Variants in ERMP1 observed in about 807,000 individuals in gnomAD.
The protein encoded by ERMP1 is Felix-ina.
A neutral mutation model predicts 92.0 loss-of-function variants in ERMP1; 86 were observed. The ratio of observed to expected loss-of-function variants is 0.93; its 90% CI spans 0.79 to 1.12. The LOEUF is 1.12. Ranked by LOEUF, ERMP1 falls within the 50% of genes most tolerant of loss-of-function variation. The probability of loss-of-function intolerance (pLI) is 0.00; values close to 1 mark genes in which losing one functional copy is unlikely to be tolerated. For missense variants in ERMP1, 1,342 were observed against 1,116.3 expected (o/e 1.20, Z -2.88); for synonymous variants, 530 against 412.8 (o/e 1.28, Z -3.44).
chr9:5,830,748 C>A lies in ERMP1; in HGVS notation c.619G>T (p.Asp207Tyr). Reference sequence around the variant, plus strand: ...ATACCTGGTGAGTTTGCTACTGAGTCAAAATGACAATTAGCCAAGACAGCA... The same window carrying A: ...ATACCTGGTGAGTTTGCTACTGAGTAAAAATGACAATTAGCCAAGACAGCA... ...QHAVLANCHF[D>Y]SVANSPGASD... The change falls in exon 2 of 15, where the codon GAC becomes TAC. Residue 207 changes from aspartate to tyrosine, a missense_variant. By Grantham distance (160) the Asp-to-Tyr change is radical. Coordinates refer to ENST00000339450, the MANE Select transcript of ERMP1 (RefSeq NM_024896.3). 6.2e-7 allele frequency: 1 copy of A among 1,612,614 alleles called. No homozygotes were observed. Among genetic ancestry groups the A allele is most frequent in the South Asian group, 1.1e-5 (1 of 90,926 alleles).
At chr9:5,822,051 T>C (rs1400654003) in intron 4 of ERMP1, among the ~76,000 whole-genome samples, 3 of 152,024 alleles carry the variant, frequency 2.0e-5, no homozygotes, top group African/African-American at 4.8e-5. Flanking sequence ...CTCAGGAGTT[T>C]GAGACCAGCC....
chr9:5,790,557 A>G (rs1278324059), intron 13 of ERMP1, among the ~76,000 whole-genome samples: 1 of 152,260 alleles, frequency 6.6e-6, no homozygotes, highest in African/African-American at 2.4e-5. Context: ...ACAGAGAGAT[A>G]CAGAAAGGGT....
At chr9:5,812,858 G>A in intron 5 of ERMP1, 31 bp downstream of exon 5, 1 of 1,612,964 alleles carries the variant, frequency 6.2e-7, no homozygotes, top group South Asian at 1.1e-5. Flanking sequence ...AATAAATGCT[G>A]CACAGTAGGC....
intron 4 of ERMP1, among the ~76,000 whole-genome samples, chr9:5,814,799 G>A (rs114459797): frequency 3.0e-4 from 45 of 152,178 alleles, no homozygotes; most frequent in African/African-American, 9.6e-4. Flanking sequence ...AGACATACAA[G>A]TAATCCAGAT....
chr9:5,832,868 G>A lies in ERMP1; in HGVS notation c.160C>T (p.Pro54Ser). 1 of 1,523,984 alleles carries A rather than the reference G, an allele frequency of 6.6e-7. No individual in the cohort carries two copies. The highest frequency in any genetic ancestry group is 1.9e-5 in the Admixed American group (1 of 51,426). 94.4% of individuals were successfully genotyped at this position (1,523,984 alleles called of 1,614,324 possible). The change falls in exon 1 of 15, where the codon CCC becomes TCC. Residue 54 changes from proline to serine, a missense_variant. Pro to Ser is a moderately conservative substitution (Grantham distance 74, BLOSUM62 -1). Coordinates refer to ENST00000339450, the MANE Select transcript of ERMP1 (RefSeq NM_024896.3). ...CTGCTCGCGCCGCCGCTACCCCCGG[G>A]GCTCCTCTTCCGCGTCCTCCCGCCG... ...SGGGRTRKRSPGGSGGASRGA... is the reference protein window; with the variant it reads ...SGGGRTRKRSSGGSGGASRGA...
chr9:5,862,625 G>A (rs969167211), intron 5 of ERMP1, among the ~76,000 whole-genome samples: 1 of 152,150 alleles, frequency 6.6e-6, no homozygotes, highest in African/African-American at 2.4e-5. Flanking sequence ...GGGATTACAG[G>A]CATGAGCCAC....
At chr9:5,816,421 A>C (rs897924254) in intron 4 of ERMP1, among the ~76,000 whole-genome samples, 1 of 152,232 alleles carries the variant, frequency 6.6e-6, no homozygotes, top group African/African-American at 2.4e-5. Flanking sequence ...AGTGAATTAC[A>C]CAGATTGATT....
In ERMP1 at chr9:5,832,874, T is replaced by A. The variant is rs1032779217; in HGVS notation, c.154A>T (p.Arg52Trp). ...GCGCCGCCGCTACCCCCGGGGCTCC[T>A]CTTCCGCGTCCTCCCGCCGCCGCTG... ...GCSGGGRTRKRSPGGSGGASR... is the reference protein window; with the variant it reads ...GCSGGGRTRKWSPGGSGGASR... The change falls in exon 1 of 15, where the codon AGG becomes TGG. Residue 52 changes from arginine (R) to tryptophan (W), a missense_variant. By Grantham distance (101) the Arg-to-Trp change is moderately radical. Coordinates refer to ENST00000339450, the MANE Select transcript of ERMP1 (RefSeq NM_024896.3). The A allele has an allele frequency of 7.2e-6, 11 of 1,529,646 alleles. No individual in the cohort carries two copies. The highest frequency in any genetic ancestry group is 9.6e-6 in the Non-Finnish European group (11 of 1,148,064). 94.8% of individuals were successfully genotyped at this position (1,529,646 alleles called of 1,614,324 possible).
Position 5,786,281 on chromosome 9 carries a change from C to T in ERMP1, c.*863G>A, listed in dbSNP as rs1284141025. On this transcript the variant is annotated 3_prime_UTR_variant, in exon 15 of 15. Coordinates refer to ENST00000339450, the MANE Select transcript of ERMP1 (RefSeq NM_024896.3). ...CCACCACTCCCAGCCTTCCTTCTAC[C>T]CCAGAATAGCCCAGATGGCAGCTCA... 2.0e-5 allele frequency: 3 copies of T among 152,100 alleles called. No homozygotes were observed. The allele number at this position is 152,100 out of a possible 1,614,324, so 9.4% of individuals were successfully genotyped here. A position where few individuals can be genotyped will look rare whatever the true frequency, so the allele number is the denominator to read the frequency against.
chr9:5,859,493 C>G (rs1208057417), exon 6 of ERMP1, among the ~76,000 whole-genome samples: 1 of 152,184 alleles, frequency 6.6e-6, no homozygotes, highest in Admixed American at 6.5e-5. Flanking sequence ...GAAAGACTCT[C>G]CAGAGTTCCA....
chr9:5,866,350 A>C (rs1830661091), intron 5 of ERMP1, among the ~76,000 whole-genome samples: 2 of 152,360 alleles, frequency 1.3e-5, no homozygotes, highest in South Asian at 4.1e-4. Flanking sequence ...AAACCATAGG[A>C]TCCAACAATA....
intron 4 of ERMP1, among the ~76,000 whole-genome samples, chr9:5,814,508 C>T (rs550085889): frequency 6.6e-6 from 1 of 152,180 alleles, no homozygotes; most frequent in Admixed American, 6.5e-5. Context: ...TTTAGGAGGC[C>T]GAGGTGGGCA....
chr9:5,856,041 ATAC>A (rs1830369442), intron 6 of ERMP1: 2 of 377,726 alleles, frequency 5.3e-6, no homozygotes, highest in Admixed American at 6.4e-5. Context: ...CCCAGGTTAT[ATAC>A]CCTGCTGCAA....
At chr9:5,842,001 T>C (rs917872346) in intron 6 of ERMP1, among the ~76,000 whole-genome samples, 1 of 151,888 alleles carries the variant, frequency 6.6e-6, no homozygotes, top group Admixed American at 6.5e-5. Flanking sequence ...ATGGTCTTGC[T>C]GACTTCAGGA....
Position 5,787,574 on chromosome 9 carries a change from G to C in ERMP1, c.2406C>G (p.Phe802Leu), listed in dbSNP as rs762053505. 4 of 1,613,452 alleles carry C rather than the reference G, an allele frequency of 2.5e-6. No individual in the cohort carries two copies. Among genetic ancestry groups the C allele is most frequent in the Non-Finnish European group, 2.5e-6 (3 of 1,179,766 alleles). Reference protein sequence around the residue: ...FEATGPSHMSFYVRAHKGSTL... With the variant: ...FEATGPSHMSLYVRAHKGSTL... ...TTGACCCTTTGTGGGCTCGAACATA[G>C]AAGGACATATGGCTTGGTCCTGTAA... The change falls in exon 14 of 15, where the codon TTC becomes TTG. Residue 802 changes from phenylalanine (F) to leucine (L), a missense_variant. Coordinates refer to ENST00000339450, the MANE Select transcript of ERMP1 (RefSeq NM_024896.3).
At chr9:5,805,494 T>C in intron 9 of ERMP1, 117 bp downstream of exon 9, 3 of 919,940 alleles carry the variant, frequency 3.3e-6, no homozygotes, top group Non-Finnish European at 3.1e-6. Context: ...TATGAAAACT[T>C]TTAAAAACTA....
chr9:5,824,989 AG>A lies in ERMP1; in HGVS notation c.768+102del. On this transcript the variant is annotated intron_variant, in intron 3 of 14. Transcript: ENST00000339450. ...CTGCATATTATTTTATACTACCCAC[AG>A]GAGTCATAAAAAATGCATTTACTAT... The A allele has an allele frequency of 2.7e-6, 3 of 1,123,400 alleles. No homozygotes were observed. In the Middle Eastern group the frequency reaches 7.2e-4, roughly 271 times the overall value. 69.6% of individuals were successfully genotyped at this position (1,123,400 alleles called of 1,614,324 possible).
At chr9:5,860,922 ACTCT>A (rs771137271) in intron 5 of ERMP1, among the ~76,000 whole-genome samples, 5 of 150,878 alleles carry the variant, frequency 3.3e-5, no homozygotes, top group Admixed American at 6.6e-5. Context: ...ACCCTCTCTC[ACTCT>A]CTCTCCTTCT....
chr9:5,853,738 G>A (rs1830337987), intron 6 of ERMP1, among the ~76,000 whole-genome samples: 1 of 150,810 alleles, frequency 6.6e-6, no homozygotes, highest in Non-Finnish European at 1.5e-5. Context: ...GAATCACCCA[G>A]AAGGCTTATG....
Sources: gnomAD v4.1 joint callset for allele counts (sites outside exome capture counted in the v4.1 genomes callset) on GRCh38, gnomAD v4.1.1 for gene constraint, MANE v1.5 for transcripts, NCBI Gene and HGNC (gene_info 2026-07-23, HGNC 2026-07-21) for gene names.